ALDH1A2: variants seen among roughly 807,000 people sequenced by gnomAD.
The protein encoded by ALDH1A2 is aldehyde dehydrogenase 1 family member A2, also known as retinal dehydrogenase 2.
In ALDH1A2, 27 loss-of-function variants were observed where a neutral mutation model predicts 60.3. The observed-to-expected ratio is 0.45, with a 90% CI of 0.33 to 0.62. The LOEUF is 0.62. Among genes scored for constraint, ALDH1A2 ranks in the 20% least tolerant of loss-of-function variants. The pLI is 0.02. For synonymous variants in ALDH1A2, 289 were observed against 232.4 expected (o/e 1.24, Z -2.21); for missense variants, 581 against 643.8 (o/e 0.90, Z 1.06).
intron 8 of ALDH1A2, chr15:57,964,603 T>C (rs1893835005): frequency 6.4e-6 from 1 of 157,454 alleles, no homozygotes; most frequent in South Asian, 1.9e-4. Context: ...CTACAGGGCC[T>C]TGGGGCTGTA....
At chr15:57,969,060 C>T (rs1203515354) in intron 7 of ALDH1A2, among the ~76,000 whole-genome samples, 2 of 152,172 alleles carry the variant, frequency 1.3e-5, no homozygotes, top group South Asian at 2.1e-4. Flanking sequence ...GGAAGAAAGT[C>T]GAGTTATAGT....
intron 1 of ALDH1A2, 71 bp from the exon 2 acceptor site, chr15:58,014,352 C>A: frequency 8.9e-7 from 1 of 1,123,774 alleles, no homozygotes; most frequent in South Asian, 1.2e-5. Context: ...CCAAGTGTTA[C>A]GGAACTACTA....
rs1895565296 is a variant in ALDH1A2 at position 58,009,603 on chromosome 15, A to C, written c.493+1046T>G. 2.0e-5 allele frequency among the ~76,000 whole-genome samples: 3 copies of C among 150,450 alleles called. No homozygotes were observed. In the South Asian group the frequency reaches 6.4e-4, roughly 32 times the overall value. On this transcript the variant is annotated intron_variant, in intron 4 of 12. Coordinates refer to ENST00000249750, the MANE Select transcript of ALDH1A2 (RefSeq NM_003888.4). ...AGTGGCATCTAGTATCCACTCAATAAATGTGCATTTCCTTTCCTTATGTCT... is the reference window on the plus strand; with the variant it reads ...AGTGGCATCTAGTATCCACTCAATACATGTGCATTTCCTTTCCTTATGTCT...
chr15:57,988,326 A>G (rs1420742101), intron 7 of ALDH1A2, among the ~76,000 whole-genome samples: 1 of 152,260 alleles, frequency 6.6e-6, no homozygotes, highest in African/African-American at 2.4e-5. Context: ...AAAGAGGTAC[A>G]GCTAATAATG....
chr15:58,053,761 T>G (rs1392322139), intron 1 of ALDH1A2, among the ~76,000 whole-genome samples: 1 of 152,144 alleles, frequency 6.6e-6, no homozygotes, highest in Non-Finnish European at 1.5e-5. Context: ...ATGCTCAATG[T>G]GCTGAACACA....
chr15:58,010,550 A>G (rs1241246763), intron 4 of ALDH1A2, 99 bp downstream of exon 4: 11 of 1,502,368 alleles, frequency 7.3e-6, no homozygotes, highest in African/African-American at 1.4e-5. Flanking sequence ...AAGTGTGCTC[A>G]TATCTGTATT....
chr15:57,980,083 C>A, intron 7 of ALDH1A2: 1 of 299,904 alleles, frequency 3.3e-6, no homozygotes, highest in Admixed American at 3.8e-5. Flanking sequence ...CACACAGATG[C>A]CTCTTCACGC....
chr15:57,989,975 G>T (rs563894512), intron 7 of ALDH1A2, among the ~76,000 whole-genome samples: 14 of 54,602 alleles, frequency 2.6e-4, no homozygotes, highest in African/African-American at 5.5e-4. Flanking sequence ...AGTCCAGCCT[G>T]GGCGACAGAG....
intron 1 of ALDH1A2, 161 bp downstream of exon 1, chr15:58,065,373 T>G (rs1897150093): frequency 4.0e-6 from 3 of 742,204 alleles, no homozygotes; most frequent in Middle Eastern, 3.0e-4. Flanking sequence ...AACGCCCCAG[T>G]CCCGAAGACA....
chr15:58,059,561 C>G (rs1429094541), intron 1 of ALDH1A2, among the ~76,000 whole-genome samples: 9 of 152,148 alleles, frequency 5.9e-5, no homozygotes, highest in African/African-American at 2.2e-4. Flanking sequence ...GTATCAATAT[C>G]TTGTATTTTT....
chr15:57,962,091 C>A lies in ALDH1A2; in HGVS notation c.1172G>T (p.Gly391Val). Residue 391 changes from glycine to valine, a missense_variant, in exon 10 of 13, where the codon GGA (glycine) becomes GTA (valine). Physicochemically the swap from Gly to Val is moderately radical, Grantham distance 109 (BLOSUM62 -3). Transcript: ENST00000249750. Reference protein sequence around the residue: ...EGAKLECGGKGLGRKGFFIEP... With the variant: ...EGAKLECGGKVLGRKGFFIEP... ...AATGAAAAACCCCTTTCGGCCCAGT[C>A]CTTTGCCTCCACATTCCAGCTTGGC... 6.2e-7 allele frequency: 1 copy of A among 1,614,170 alleles called. No individual in the cohort carries two copies. The highest frequency in any genetic ancestry group is 8.5e-7 in the Non-Finnish European group (1 of 1,180,022).
chr15:57,998,911 TCTGATCTTCGACAAAC>T (rs1180118817), intron 4 of ALDH1A2, among the ~76,000 whole-genome samples: 2 of 152,060 alleles, frequency 1.3e-5, no homozygotes, highest in African/African-American at 4.8e-5. Flanking sequence ...TCTACAACCA[TCTGATCTTCGACAAAC>T]CTGACAAAAA....
Position 57,961,229 on chromosome 15 carries a change from A to G in ALDH1A2, c.1317T>C (p.Asn439=), listed in dbSNP as rs146442089. The G allele has an allele frequency of 1.2e-6, 2 of 1,614,026 alleles. No individual in the cohort carries two copies. Among genetic ancestry groups the G allele is most frequent in the Non-Finnish European group, 1.7e-6 (2 of 1,180,014 alleles). The change falls in exon 11 of 13, where the codon AAT becomes AAC. Residue 439 remains asparagine, a synonymous_variant. Coordinates refer to ENST00000249750, the MANE Select transcript of ALDH1A2 (RefSeq NM_003888.4). The stretch of plus-strand genomic sequence containing the variant: ...CTGCTACGAGTCCAAAGTCTGAGTT[A>G]TTGGCTCTTTCGATAACTTCATCCA... ...KTMDEVIERA[N]NSDFGLVAAV...
At chr15:57,964,227 A>G (rs553929285) in intron 8 of ALDH1A2, 158 bp from the exon 9 acceptor site, 2 of 684,140 alleles carry the variant, frequency 2.9e-6, no homozygotes, top group South Asian at 3.7e-5. Context: ...AGTTCTAACT[A>G]CACCCTGACA....
chr15:57,955,100 C>CT lies in ALDH1A2; in HGVS notation c.*96_*97insA, dbSNP rs1197441204. ...TATCTTTTCAATCTTTAAGTAAGGA[C>CT]CGTGGCTCAACTTTGTATTCCTGAG... On this transcript the variant is annotated 3_prime_UTR_variant, in exon 13 of 13. Transcript: ENST00000249750. 3.9e-6 allele frequency: 5 copies of CT among 1,280,080 alleles called. No individual in the cohort carries two copies. In the African/African-American group the frequency reaches 5.9e-5, roughly 15 times the overall value. The allele number at this position is 1,280,080 out of a possible 1,614,324, so 79.3% of individuals were successfully genotyped here.
At position 57,962,076 on chromosome 15, in the gene ALDH1A2, C is replaced by G; in HGVS notation, c.1187G>C (p.Gly396Ala). ...ECGGKGLGRK[G>A]FFIEPTVFSN... ...AAACACTGTGGGCTCAATGAAAAAC[C>G]CCTTTCGGCCCAGTCCTTTGCCTCC... Residue 396 changes from glycine (G) to alanine (A), a missense_variant, in exon 10 of 13, where the codon GGG becomes GCG. Around this residue, in one of 2 missense-constraint regions of ALDH1A2, gnomAD observed 375 missense variants for 469.7 expected, o/e 0.80. Coordinates refer to ENST00000249750, the MANE Select transcript of ALDH1A2 (RefSeq NM_003888.4). 1 of 1,614,116 alleles carries G rather than the reference C, an allele frequency of 6.2e-7. No homozygotes were observed. Among genetic ancestry groups the G allele is most frequent in the Non-Finnish European group, 8.5e-7 (1 of 1,180,010 alleles).
At chr15:57,993,552 G>C (rs985985132) in intron 5 of ALDH1A2, among the ~76,000 whole-genome samples, 2 of 152,058 alleles carry the variant, frequency 1.3e-5, no homozygotes, top group African/African-American at 2.4e-5. Context: ...TTTTTCTTTA[G>C]ATACATGCAT....
intron 1 of ALDH1A2, among the ~76,000 whole-genome samples, chr15:58,056,942 C>T (rs1176217622): frequency 6.6e-6 from 1 of 152,064 alleles, no homozygotes; most frequent in Non-Finnish European, 1.5e-5. Flanking sequence ...GTGGGATATA[C>T]TGGAGGTGTA....
chr15:58,065,398 C>T, intron 1 of ALDH1A2, 136 bp downstream of exon 1: 1 of 831,128 alleles, frequency 1.2e-6, no homozygotes, highest in Non-Finnish European at 2.1e-6. Flanking sequence ...GGGGGTCCCT[C>T]TGCTGCGCCG....
Sources: gnomAD v4.1 joint callset for allele counts (sites outside exome capture counted in the v4.1 genomes callset) on GRCh38, gnomAD v4.1.1 for gene constraint, gnomAD v4.1.1 regional missense constraint, MANE v1.5 for transcripts, NCBI Gene and HGNC (gene_info 2026-07-23, HGNC 2026-07-21) for gene names.